The following PAK2 variants were observed in gnomAD, a reference collection of about 807,000 sequenced individuals.
PAK2 encodes the protein p21 (RAC1) activated kinase 2, also known as serine/threonine-protein kinase PAK 2.
In PAK2, 21 loss-of-function variants were observed where a neutral mutation model predicts 65.9. The observed-to-expected ratio is 0.32, with a 90% CI of 0.23 to 0.46. The LOEUF (loss-of-function observed/expected upper bound fraction) is 0.46, where lower values mean the gene tolerates loss of function less well. Among genes scored for constraint, PAK2 ranks in the 20% least tolerant of loss-of-function variants. The pLI, the probability that PAK2 is intolerant of heterozygous loss-of-function variation, is 1.00. For missense variants in PAK2, 324 were observed against 642.6 expected (o/e 0.50, Z 5.36); for synonymous variants, 204 against 219.7 (o/e 0.93, Z 0.63).
At position 196,805,272 on chromosome 3, in the gene PAK2, C is replaced by T. The variant is rs1280477157; in HGVS notation, c.437-80C>T. ...AATCAGTTTAAGAACATTTCACTTTCTCTGCTTTTTTTTTTTCCTTTTATC... is the reference window on the plus strand; with the variant it reads ...AATCAGTTTAAGAACATTTCACTTTTTCTGCTTTTTTTTTTTCCTTTTATC... On this transcript the variant is annotated intron_variant, in intron 4 of 14. Transcript: ENST00000327134. 8.0e-6 allele frequency: 6 copies of T among 751,168 alleles called. No homozygotes were observed. The African/African-American group carries it at 1.1e-4, about 14-fold the overall frequency. The allele number at this position is 751,168 out of a possible 1,614,324, so 46.5% of individuals were successfully genotyped here.
intron 1 of PAK2, among the ~76,000 whole-genome samples, chr3:196,753,692 TA>T (rs1174796868): frequency 6.6e-6 from 1 of 152,246 alleles, no homozygotes; most frequent in Admixed American, 6.5e-5. Context: ...TTTAGATTGC[TA>T]ACTTCCCTCA....
chr3:196,774,038 A>G (rs1879816), intron 1 of PAK2, among the ~76,000 whole-genome samples: 1 of 151,860 alleles, frequency 6.6e-6, no homozygotes, highest in African/African-American at 2.4e-5. Flanking sequence ...TCTCAAAAAA[A>G]AACAACAACA....
chr3:196,772,742 GCT>G (rs1488012237), intron 1 of PAK2, among the ~76,000 whole-genome samples: 1 of 150,162 alleles, frequency 6.7e-6, no homozygotes, highest in East Asian at 1.9e-4. Flanking sequence ...GACATCTGAG[GCT>G]CTTTTGTGTT....
chr3:196,777,339 G>T (rs1336535345), intron 1 of PAK2, among the ~76,000 whole-genome samples: 3 of 152,040 alleles, frequency 2.0e-5, no homozygotes, highest in Admixed American at 6.6e-5. Flanking sequence ...GAGTAGCTGG[G>T]ACTACAGACA....
At chr3:196,807,231 C>T (rs1374680455) in intron 6 of PAK2, among the ~76,000 whole-genome samples, 1 of 152,274 alleles carries the variant, frequency 6.6e-6, no homozygotes, top group Non-Finnish European at 1.5e-5. Flanking sequence ...GCGGAAGGTG[C>T]TGTGCCGTGG....
intron 13 of PAK2, among the ~76,000 whole-genome samples, chr3:196,824,839 G>C (rs1711777112): frequency 6.6e-6 from 1 of 151,826 alleles, no homozygotes; most frequent in Non-Finnish European, 1.5e-5. Context: ...CCATAGGACT[G>C]TGTAATGTAA....
chr3:196,753,686 G>C (rs546695015), intron 1 of PAK2, among the ~76,000 whole-genome samples: 19 of 152,276 alleles, frequency 1.2e-4, no homozygotes, highest in African/African-American at 4.6e-4. Context: ...TAATGATTTA[G>C]ATTGCTAACT....
intron 2 of PAK2, among the ~76,000 whole-genome samples, chr3:196,786,972 A>G (rs1345244630): frequency 1.3e-5 from 2 of 151,910 alleles, no homozygotes; most frequent in African/African-American, 4.8e-5. Context: ...CTACAGGTGC[A>G]CAACACCATG....
intron 4 of PAK2, among the ~76,000 whole-genome samples, chr3:196,804,804 GTGATAT>G (rs1715529863): frequency 1.5e-5 from 1 of 67,204 alleles, no homozygotes; most frequent in Non-Finnish European, 2.9e-5. Context: ...GTGTGTGTGT[GTGATAT>G]ATATATATAT....
chr3:196,765,793 A>T (rs1714143912), intron 1 of PAK2, among the ~76,000 whole-genome samples: 1 of 152,216 alleles, frequency 6.6e-6, no homozygotes, highest in South Asian at 2.1e-4. Context: ...TTATTTGCCT[A>T]GACTGGCTAA....
intron 1 of PAK2, among the ~76,000 whole-genome samples, chr3:196,756,145 C>T (rs185568002): frequency 2.8e-4 from 43 of 152,232 alleles, no homozygotes; most frequent in African/African-American, 8.2e-4. Context: ...TTCTGAGCCT[C>T]GCCACTTGAC....
At chr3:196,800,587 G>A (rs191609733) in intron 2 of PAK2, among the ~76,000 whole-genome samples, 20 of 152,182 alleles carry the variant, frequency 1.3e-4, no homozygotes, top group Non-Finnish European at 2.5e-4. Flanking sequence ...GTTTCAATGC[G>A]TATTACAAAA....
At position 196,829,455 on chromosome 3, in the gene PAK2, A is replaced by T. The variant is rs78440408; in HGVS notation, c.*1050A>T. 0.017 allele frequency: 2,668 copies of T among 152,490 alleles called. 161 individuals are homozygous for T. The highest frequency in any genetic ancestry group is 0.12 in the Admixed American group (1,795 of 15,282). The allele number at this position is 152,490 out of a possible 1,614,324, so 9.4% of individuals were successfully genotyped here. On this transcript the variant is annotated 3_prime_UTR_variant, in exon 15 of 15. Transcript: ENST00000327134. ...ATAACCAGTGAATTTTCAGGAATTT[A>T]AAAATTAGCTTTTTTCCACTTAAAG... is the stretch of plus-strand genomic sequence containing the variant.
At chr3:196,805,294 TATC>T in intron 4 of PAK2, 55 bp from the exon 5 acceptor site, 1 of 860,416 alleles carries the variant, frequency 1.2e-6, no homozygotes, top group Non-Finnish European at 1.9e-6. Flanking sequence ...TTTTTCCTTT[TATC>T]ATATAAAAGT....
intron 1 of PAK2, among the ~76,000 whole-genome samples, chr3:196,748,423 G>A (rs1713462789): frequency 1.3e-5 from 2 of 152,120 alleles, no homozygotes; most frequent in East Asian, 1.9e-4. Flanking sequence ...ATAACAACAT[G>A]TCTCCACCAG....
chr3:196,741,640 A>G (rs578100439), intron 1 of PAK2, among the ~76,000 whole-genome samples: 172 of 152,288 alleles, frequency 1.1e-3, no homozygotes, highest in African/African-American at 3.7e-3. Flanking sequence ...TTGTGTTTTC[A>G]CTAAGTAGCC....
chr3:196,827,431 T>G (rs955100511), intron 14 of PAK2, 98 bp downstream of exon 14: 1 of 1,523,316 alleles, frequency 6.6e-7, no homozygotes, highest in African/African-American at 1.4e-5. Flanking sequence ...CACTACTCAT[T>G]GATCACCAGC....
At chr3:196,747,659 T>C (rs78520787) in intron 1 of PAK2, among the ~76,000 whole-genome samples, 2,244 of 152,266 alleles carry the variant, frequency 0.015, 52 homozygotes, top group African/African-American at 0.051. Flanking sequence ...ATATACAGAG[T>C]TTTATACATA....
chr3:196,803,993 C>G (rs1045685685), intron 4 of PAK2, among the ~76,000 whole-genome samples: 1 of 152,168 alleles, frequency 6.6e-6, no homozygotes, highest in African/African-American at 2.4e-5. Context: ...GCTTCCCCTC[C>G]CACACACTGG....
Sources: allele counts gnomAD v4.1 joint callset (sites outside exome capture counted in the v4.1 genomes callset), GRCh38; gene constraint gnomAD v4.1.1; transcripts MANE v1.5; gene names NCBI Gene and HGNC (gene_info 2026-07-23, HGNC 2026-07-21).